Variants in FCHSD2 observed in about 807,000 individuals in gnomAD.
FCHSD2 encodes the protein F-BAR and double SH3 domains protein 2.
Under a neutral mutation model 108.1 loss-of-function variants are expected in FCHSD2, and 38 were observed. That is an observed-to-expected ratio of 0.35 (90% confidence interval 0.27 to 0.46). FCHSD2 has a LOEUF of 0.46. Ranked by LOEUF, FCHSD2 falls within the 20% of genes least tolerant of loss-of-function variation. The probability of loss-of-function intolerance (pLI) is 1.00; values close to 1 mark genes in which losing one functional copy is unlikely to be tolerated. For missense variants in FCHSD2, 751 were observed against 897.8 expected, an observed-to-expected ratio of 0.84 and a Z score of 2.09; for synonymous variants, 279 against 314.7, an observed-to-expected ratio of 0.89 and a Z score of 1.20.
intron 12 of FCHSD2, among the ~76,000 whole-genome samples, chr11:72,880,154 A>G (rs1451994642): frequency 3.3e-5 from 5 of 152,088 alleles, no homozygotes; most frequent in Non-Finnish European, 5.9e-5. Flanking sequence ...AGGAAGTGAA[A>G]GATCTCTACA....
chr11:72,980,786 C>G (rs185730415), intron 8 of FCHSD2, among the ~76,000 whole-genome samples: 2 of 151,490 alleles, frequency 1.3e-5, no homozygotes, highest in East Asian at 3.9e-4. Context: ...ATCTCACTCT[C>G]TTCTACCATA....
chr11:73,030,773 AAATTT>A (rs762010621), intron 3 of FCHSD2, among the ~76,000 whole-genome samples: 2 of 152,250 alleles, frequency 1.3e-5, no homozygotes, highest in Non-Finnish European at 2.9e-5. Context: ...ACAGTCAAGC[AAATTT>A]AATATATCCA....
chr11:72,891,161 G>A (rs1336276540), intron 10 of FCHSD2, among the ~76,000 whole-genome samples: 1 of 151,870 alleles, frequency 6.6e-6, no homozygotes, highest in Non-Finnish European at 1.5e-5. Context: ...TGAACTCCTT[G>A]GCTCAAGTAA....
intron 3 of FCHSD2, among the ~76,000 whole-genome samples, chr11:73,060,434 TAA>T (rs972442262): frequency 6.6e-6 from 1 of 151,448 alleles, no homozygotes; most frequent in South Asian, 2.1e-4. Flanking sequence ...AATACCAGGA[TAA>T]AAAAAAAGTT....
chr11:72,882,124 G>A (rs191903064), intron 12 of FCHSD2, among the ~76,000 whole-genome samples: 32 of 150,790 alleles, frequency 2.1e-4, no homozygotes, highest in Admixed American at 1.0e-3. Context: ...CAGCCTGGGT[G>A]ACAGCAAGAC....
At chr11:72,881,895 A>C (rs964618306) in intron 12 of FCHSD2, among the ~76,000 whole-genome samples, 2 of 152,220 alleles carry the variant, frequency 1.3e-5, no homozygotes, top group East Asian at 3.8e-4. Flanking sequence ...TAATCCCAGC[A>C]CTTTGGGAGG....
chr11:72,906,369 G>A (rs756722961), intron 9 of FCHSD2, among the ~76,000 whole-genome samples: 4 of 152,164 alleles, frequency 2.6e-5, no homozygotes, highest in Non-Finnish European at 4.4e-5. Context: ...CTCCCATTCA[G>A]TAGGGTGCCT....
At chr11:72,905,205 C>T (rs10732893) in intron 9 of FCHSD2, among the ~76,000 whole-genome samples, 145,597 of 152,250 alleles carry the variant, frequency 0.96, 69,852 homozygotes, top group East Asian at 1. Context: ...TAGTTGGCCA[C>T]CTTCTTCTGG....
rs1307248396 is a variant in FCHSD2, at chr11:72,972,861, C to T, written c.705+11227G>A. Among the ~76,000 whole-genome samples the T allele has an allele frequency of 2.0e-5, 3 of 152,124 alleles. No homozygotes were observed. In the East Asian group the frequency reaches 5.8e-4, roughly 29 times the overall value. On this transcript the variant is annotated intron_variant, in intron 8 of 19. Transcript: ENST00000409418. The stretch of plus-strand genomic sequence containing the variant: ...ACCTAGTACAAACTCAAATGCTTCC[C>T]GAGCTTCAAATGATATGCAAACAAT...
At chr11:73,075,434 G>T (rs1348119082) in intron 3 of FCHSD2, among the ~76,000 whole-genome samples, 2 of 152,184 alleles carry the variant, frequency 1.3e-5, no homozygotes, top group Non-Finnish European at 2.9e-5. Flanking sequence ...ACAATGACAG[G>T]TATTTGCTAG....
chr11:73,069,198 C>G (rs1430823928), intron 3 of FCHSD2, among the ~76,000 whole-genome samples: 1 of 151,318 alleles, frequency 6.6e-6, no homozygotes, highest in African/African-American at 2.4e-5. Context: ...GTAGTCCCAG[C>G]CACTCGGGAG....
chr11:72,846,633 G>T (rs1861151871), intron 14 of FCHSD2, among the ~76,000 whole-genome samples: 1 of 152,090 alleles, frequency 6.6e-6, no homozygotes, highest in Admixed American at 6.6e-5. Context: ...GCAGTAAATG[G>T]TTATTAAATA....
chr11:73,122,148 T>G (rs1860748259), intron 2 of FCHSD2, among the ~76,000 whole-genome samples: 1 of 151,926 alleles, frequency 6.6e-6, no homozygotes, highest in Non-Finnish European at 1.5e-5. Flanking sequence ...AATACCAGAG[T>G]TTTTTGTTGT....
Position 73,069,310 on chromosome 11 carries a change from C to CAAA in FCHSD2, c.165+14382_165+14384dup, listed in dbSNP as rs369961395. Reference sequence around the variant, plus strand: ...TGGGTGACAGAGCAAAACTCTGTCTCAAAAAAAAAAAAAAAAAAAAAAGAC... The same window carrying CAAA: ...TGGGTGACAGAGCAAAACTCTGTCTCAAAAAAAAAAAAAAAAAAAAAAAAAGAC... On this transcript the variant is annotated intron_variant, in intron 3 of 19. Coordinates refer to ENST00000409418, the MANE Select transcript of FCHSD2 (RefSeq NM_014824.3). Among the ~76,000 whole-genome samples the CAAA allele has an allele frequency of 9.2e-4, 42 of 45,654 alleles. 1 individual carries two copies. Among genetic ancestry groups the CAAA allele is most frequent in the Middle Eastern group, 0.014 (1 of 70 alleles). The allele number at this position is 45,654 out of a possible 152,430, so 30.0% of individuals were successfully genotyped here.
chr11:72,866,880 A>G (rs1854738839), intron 13 of FCHSD2, among the ~76,000 whole-genome samples: 1 of 152,208 alleles, frequency 6.6e-6, no homozygotes. Flanking sequence ...AAGAGGCACT[A>G]TGAAGACAGT....
At chr11:72,934,833 AT>A (rs1433585183) in intron 8 of FCHSD2, among the ~76,000 whole-genome samples, 2 of 152,184 alleles carry the variant, frequency 1.3e-5, no homozygotes, top group African/African-American at 4.8e-5. Flanking sequence ...TTGGACACAA[AT>A]TTCTAAGGGA....
At chr11:72,906,623 C>A (rs1855636177) in intron 9 of FCHSD2, among the ~76,000 whole-genome samples, 1 of 152,144 alleles carries the variant, frequency 6.6e-6, no homozygotes, top group South Asian at 2.1e-4. Flanking sequence ...GGAAGGGATC[C>A]AATTTAAGCT....
intron 8 of FCHSD2, among the ~76,000 whole-genome samples, chr11:72,934,110 GAAAAAAAAAAAAA>G (rs375464183): frequency 2.0e-5 from 1 of 50,880 alleles, no homozygotes; most frequent in Non-Finnish European, 3.3e-5. Flanking sequence ...CACTGTCTCA[GAAAAAAAAAAAAA>G]AAAAAAAAAA....
chr11:72,870,059 T>A (rs921074985), intron 12 of FCHSD2, among the ~76,000 whole-genome samples: 2 of 152,190 alleles, frequency 1.3e-5, no homozygotes, highest in Non-Finnish European at 2.9e-5. Context: ...ATCCATCATG[T>A]GCTTGCGTGC....
Sources: gnomAD v4.1 joint callset for allele counts (sites outside exome capture counted in the v4.1 genomes callset) on GRCh38, gnomAD v4.1.1 for gene constraint, MANE v1.5 for transcripts, NCBI Gene and HGNC (gene_info 2026-07-23, HGNC 2026-07-21) for gene names.